The following TMEM132D variants were observed in gnomAD, a reference collection of about 807,000 sequenced individuals.
TMEM132D encodes mature OL transmembrane protein.
A neutral mutation model predicts 62.3 loss-of-function variants in TMEM132D; 21 were observed. The observed-to-expected ratio is 0.34, with a 90% CI of 0.24 to 0.49. The LOEUF (loss-of-function observed/expected upper bound fraction) is 0.49. Among genes scored for constraint, TMEM132D ranks in the 20% least tolerant of loss-of-function variants. The pLI is 0.99. For missense variants in TMEM132D, 1,346 were observed against 1,402.8 expected (o/e 0.96, Z 0.65); for synonymous variants, 621 against 575.6 (o/e 1.08, Z -1.13).
chr12:129,527,145 C>CTA (rs1013253608), intron 3 of TMEM132D, among the ~76,000 whole-genome samples: 9 of 152,078 alleles, frequency 5.9e-5, no homozygotes, highest in Non-Finnish European at 1.2e-4. Flanking sequence ...CCCACCTCTA[C>CTA]TATATATACA....
At chr12:129,466,279 CTTTTTTTTTTTTTTTTTTT>C (rs551019541) in intron 3 of TMEM132D, among the ~76,000 whole-genome samples, 29,870 of 100,538 alleles carry the variant, frequency 0.3, 8,153 homozygotes, top group Non-Finnish European at 0.35. Context: ...TAGATTTTTC[CTTTTTTTTTTTTTTTTTTT>C]TTTTTTTTTT....
chr12:129,694,354 G>C (rs554210070), intron 2 of TMEM132D, among the ~76,000 whole-genome samples: 1 of 152,296 alleles, frequency 6.6e-6, no homozygotes, highest in East Asian at 1.9e-4. Flanking sequence ...CAGCTGACCA[G>C]TAAGTCTCAA....
At chr12:129,694,029 C>T (rs1881133108) in intron 2 of TMEM132D, among the ~76,000 whole-genome samples, 1 of 152,226 alleles carries the variant, frequency 6.6e-6, no homozygotes, top group Non-Finnish European at 1.5e-5. Context: ...AATCCTCTCT[C>T]TGGTGTACTA....
chr12:129,845,120 A>T (rs1027632016), intron 1 of TMEM132D, among the ~76,000 whole-genome samples: 1 of 152,210 alleles, frequency 6.6e-6, no homozygotes, highest in African/African-American at 2.4e-5. Context: ...TTATTTCAAT[A>T]TCTAGAAGAA....
At chr12:129,493,659 A>G (rs1874865599) in intron 3 of TMEM132D, among the ~76,000 whole-genome samples, 1 of 152,228 alleles carries the variant, frequency 6.6e-6, no homozygotes, top group Admixed American at 6.5e-5. Flanking sequence ...ATCATGTGCT[A>G]GGCTCTATTC....
At chr12:129,172,522 A>T (rs527643060) in intron 5 of TMEM132D, among the ~76,000 whole-genome samples, 1 of 152,316 alleles carries the variant, frequency 6.6e-6, no homozygotes, top group East Asian at 1.9e-4. Context: ...TTTGATTTAA[A>T]GTGACAGACT....
intron 5 of TMEM132D, among the ~76,000 whole-genome samples, chr12:129,138,500 C>G (rs1876649047): frequency 6.6e-6 from 1 of 152,104 alleles, no homozygotes; most frequent in Non-Finnish European, 1.5e-5. Flanking sequence ...GGAGGATCAC[C>G]TGAGGTCAGG....
At chr12:129,091,337 C>T (rs1347914235) in intron 5 of TMEM132D, among the ~76,000 whole-genome samples, 1 of 151,918 alleles carries the variant, frequency 6.6e-6, no homozygotes, top group African/African-American at 2.4e-5. Flanking sequence ...GAGGACCTTA[C>T]CTATCCTCAC....
intron 1 of TMEM132D, among the ~76,000 whole-genome samples, chr12:129,888,743 G>A (rs939480056): frequency 3.9e-5 from 6 of 152,134 alleles, no homozygotes; most frequent in Non-Finnish European, 8.8e-5. Flanking sequence ...GACTGTTGCT[G>A]TCCTGTTAAC....
At position 129,245,078 on chromosome 12, in the gene TMEM132D, G is replaced by A. The variant is rs191772607; in HGVS notation, c.1300-35415C>T. Among the ~76,000 whole-genome samples, 225 of 152,174 alleles carry A rather than the reference G, an allele frequency of 1.5e-3. 4 individuals carry two copies. The highest frequency in any genetic ancestry group is 0.015 in the Admixed American group (224 of 15,288). On this transcript the variant is annotated intron_variant, in intron 4 of 8. Transcript: ENST00000422113. The stretch of plus-strand genomic sequence containing the variant: ...TCCTGATATATTACTAATAACTAGA[G>A]TCCATAGTTTGTATTAAGGTTCACT...
rs117273009 is a variant in TMEM132D at position 129,602,263 on chromosome 12, C to T, written c.969-71058G>A. ...AGGCTAAGAATGTGCAGACACCTAC[C>T]CATATCTCAGTATTCCACCTTTCCA... On this transcript the variant is annotated intron_variant, in intron 2 of 8. Coordinates refer to ENST00000422113, the MANE Select transcript of TMEM132D (RefSeq NM_133448.3). Among the ~76,000 whole-genome samples, 1,024 of 152,214 alleles carry T rather than the reference C, an allele frequency of 6.7e-3. 5 individuals are homozygous for T. The highest frequency in any genetic ancestry group is 9.6e-3 in the Non-Finnish European group (656 of 68,010).
chr12:129,577,224 C>T lies in TMEM132D; in HGVS notation c.969-46019G>A, dbSNP rs181088679. 3.0e-4 allele frequency among the ~76,000 whole-genome samples: 46 copies of T among 151,916 alleles called. 3 individuals are homozygous for T. The highest frequency in any genetic ancestry group is 1.0e-3 in the African/African-American group (43 of 41,252). On this transcript the variant is annotated intron_variant, in intron 2 of 8. Coordinates refer to ENST00000422113, the MANE Select transcript of TMEM132D (RefSeq NM_133448.3). ...CCATGCCAAGATGGCTAGCAGCACA[C>T]AGGGATTTAAGCAGATACTCACAAC... is the stretch of plus-strand genomic sequence containing the variant.
intron 5 of TMEM132D, among the ~76,000 whole-genome samples, chr12:129,102,452 C>T (rs537418582): frequency 6.6e-6 from 1 of 150,824 alleles, no homozygotes; most frequent in South Asian, 2.1e-4. Flanking sequence ...TACACACATG[C>T]AGGCACATGC....
chr12:129,263,784 C>A (rs1880614494), intron 4 of TMEM132D, among the ~76,000 whole-genome samples: 1 of 151,922 alleles, frequency 6.6e-6, no homozygotes. Context: ...AGGTGAGTAG[C>A]AAGCAGAAAG....
At chr12:129,378,813 T>C (rs967242434) in intron 3 of TMEM132D, among the ~76,000 whole-genome samples, 1 of 152,192 alleles carries the variant, frequency 6.6e-6, no homozygotes, top group Non-Finnish European at 1.5e-5. Context: ...TTAGATTCCA[T>C]TGGAAAGTTC....
chr12:129,595,749 A>G (rs967416218), intron 2 of TMEM132D, among the ~76,000 whole-genome samples: 5 of 152,230 alleles, frequency 3.3e-5, no homozygotes, highest in African/African-American at 1.2e-4. Context: ...CCACCCGCAG[A>G]GGAGCTGACC....
intron 4 of TMEM132D, among the ~76,000 whole-genome samples, chr12:129,248,869 CAT>C (rs1200704620): frequency 2.0e-5 from 3 of 152,112 alleles, no homozygotes; most frequent in Non-Finnish European, 4.4e-5. Flanking sequence ...CTGAAAAGGA[CAT>C]AGTCTTGTTC....
At chr12:129,878,937 C>T (rs1433206358) in intron 1 of TMEM132D, among the ~76,000 whole-genome samples, 2 of 152,158 alleles carry the variant, frequency 1.3e-5, no homozygotes, top group African/African-American at 4.8e-5. Flanking sequence ...GAAACACCAT[C>T]TCCTCCCTCT....
At chr12:129,642,394 G>A (rs1405422796) in intron 2 of TMEM132D, among the ~76,000 whole-genome samples, 2 of 152,206 alleles carry the variant, frequency 1.3e-5, no homozygotes, top group Non-Finnish European at 2.9e-5. Flanking sequence ...ATTTGGAAGC[G>A]CACCTTCGAG....
Sources: gnomAD v4.1 joint callset for allele counts (sites outside exome capture counted in the v4.1 genomes callset) on GRCh38, gnomAD v4.1.1 for gene constraint, MANE v1.5 for transcripts, NCBI Gene and HGNC (gene_info 2026-07-23, HGNC 2026-07-21) for gene names.